ZFYVE1: variants seen among roughly 807,000 people sequenced by gnomAD.
ZFYVE1 encodes the protein zinc finger FYVE-type containing 1, also known as zinc finger FYVE domain-containing protein 1.
Under a neutral mutation model 74.4 loss-of-function variants are expected in ZFYVE1, and 30 were observed. The observed-to-expected ratio is 0.40, with a 90% CI of 0.30 to 0.55. The LOEUF (loss-of-function observed/expected upper bound fraction) is 0.55. Among genes scored for constraint, ZFYVE1 ranks in the 20% least tolerant of loss-of-function variants. The probability of loss-of-function intolerance (pLI) is 0.42; values close to 1 mark genes in which losing one functional copy is unlikely to be tolerated. For missense variants in ZFYVE1, 703 were observed against 1,011.6 expected (o/e 0.69, Z 4.14); for synonymous variants, 335 against 385.1 (o/e 0.87, Z 1.52).
intron 3 of ZFYVE1, among the ~76,000 whole-genome samples, chr14:72,996,210 A>C (rs1452787878): frequency 6.6e-6 from 1 of 152,106 alleles, no homozygotes; most frequent in East Asian, 1.9e-4. Flanking sequence ...ATGGCACTAC[A>C]TTTAGGAGTT....
rs1205768886 is a variant in ZFYVE1 at position 73,019,130 on chromosome 14, T to C, written c.483+4896A>G. On this transcript the variant is annotated intron_variant, in intron 2 of 11. Transcript: ENST00000556143. ...ACACACTCAAATGACAAGGTAATGATAAAATGTTCACCCTTAAAGGAAGCT... is the reference window on the plus strand; with the variant it reads ...ACACACTCAAATGACAAGGTAATGACAAAATGTTCACCCTTAAAGGAAGCT... Among the ~76,000 whole-genome samples the C allele has an allele frequency of 2.0e-5, 3 of 152,150 alleles. No individual in the cohort carries two copies. The East Asian group carries it at 5.8e-4, about 29-fold the overall frequency.
At chr14:73,015,227 CTGAAGGAAGGAAGGAAGGAAGGAA>C (rs1894164848) in intron 2 of ZFYVE1, among the ~76,000 whole-genome samples, 2 of 110,218 alleles carry the variant, frequency 1.8e-5, no homozygotes, top group African/African-American at 6.7e-5. Flanking sequence ...GAGACTCCAT[CTGAAGGAAGGAAGGAAGGAAGGAA>C]GGAAGGAAGG....
chr14:72,972,843 G>A (rs538718545), intron 11 of ZFYVE1, among the ~76,000 whole-genome samples: 1 of 152,020 alleles, frequency 6.6e-6, no homozygotes. Context: ...TAGTAGCTGG[G>A]ACTACAGGTG....
chr14:73,002,741 C>CTTT (rs532732428), intron 2 of ZFYVE1, among the ~76,000 whole-genome samples: 6 of 127,484 alleles, frequency 4.7e-5, no homozygotes, highest in Non-Finnish European at 4.9e-5. Flanking sequence ...GTTGCTTTTT[C>CTTT]TTTTTTTTTT....
chr14:73,005,793 C>G (rs1465162627), intron 2 of ZFYVE1, among the ~76,000 whole-genome samples: 2 of 152,204 alleles, frequency 1.3e-5, no homozygotes, highest in African/African-American at 4.8e-5. Flanking sequence ...GCAGCAGCAG[C>G]TGGGCTTGCA....
chr14:73,004,657 A>C (rs1468248368), intron 2 of ZFYVE1, among the ~76,000 whole-genome samples: 1 of 152,092 alleles, frequency 6.6e-6, no homozygotes, highest in Non-Finnish European at 1.5e-5. Flanking sequence ...TCTACTGACA[A>C]GCAGTGAACA....
rs766352714 is a variant in ZFYVE1 at position 73,024,023 on chromosome 14, T to C, written c.483+3A>G. 9.9e-6 allele frequency: 16 copies of C among 1,613,232 alleles called. No individual in the cohort carries two copies. In the East Asian group the frequency reaches 3.3e-4, roughly 34 times the overall value. Reference sequence around the variant, plus strand: ...ATGAATCCCACTATACCCGTGTGCTTACCTGAATTTCTTCATTTTCGTCTA... The same window carrying C: ...ATGAATCCCACTATACCCGTGTGCTCACCTGAATTTCTTCATTTTCGTCTA... On this transcript the variant is annotated splice_donor_region_variant and intron_variant, in intron 2 of 11. Transcript: ENST00000556143.
intron 4 of ZFYVE1, among the ~76,000 whole-genome samples, chr14:72,984,821 G>T (rs1045823245): frequency 3.9e-5 from 6 of 152,186 alleles, no homozygotes; most frequent in Non-Finnish European, 7.3e-5. Flanking sequence ...ATGATGCAAA[G>T]CTATGGGTTT....
Position 73,024,683 on chromosome 14 carries a change from T to A in ZFYVE1, c.-175A>T. 1 of 997,754 alleles carries A rather than the reference T, an allele frequency of 1.0e-6. No homozygotes were observed. The highest frequency in any genetic ancestry group is 1.4e-6 in the Non-Finnish European group (1 of 720,072). The allele number at this position is 997,754 out of a possible 1,614,324, so 61.8% of individuals were successfully genotyped here. On this transcript the variant is annotated 5_prime_UTR_variant, in exon 2 of 12. Coordinates refer to ENST00000556143, the MANE Select transcript of ZFYVE1 (RefSeq NM_021260.4). ...GTTCTTCACAAACAAATGTTCAAATTTTTAATTTGCTGCCTCTAAGACTCT... is the reference window on the plus strand; with the variant it reads ...GTTCTTCACAAACAAATGTTCAAATATTTAATTTGCTGCCTCTAAGACTCT...
chr14:73,008,070 A>G (rs1023509595), intron 2 of ZFYVE1, among the ~76,000 whole-genome samples: 1 of 152,224 alleles, frequency 6.6e-6, no homozygotes, highest in Non-Finnish European at 1.5e-5. Context: ...TCCATGTCTT[A>G]TAACTACCAG....
intron 2 of ZFYVE1, among the ~76,000 whole-genome samples, chr14:73,000,468 G>A (rs1428056544): frequency 6.6e-6 from 1 of 152,152 alleles, no homozygotes; most frequent in Admixed American, 6.5e-5. Flanking sequence ...GCTGGGCATG[G>A]TGGTATGCGC....
Position 72,998,842 on chromosome 14 carries a change from C to T in ZFYVE1, c.484-527G>A, listed in dbSNP as rs566309778. ...CTCCAGCATGGGCAACAGAATGAGA[C>T]CCTGCCTCAAAAAAAAAAAAGAAAG... is the stretch of plus-strand genomic sequence containing the variant. On this transcript the variant is annotated intron_variant, in intron 2 of 11. Coordinates refer to ENST00000556143, the MANE Select transcript of ZFYVE1 (RefSeq NM_021260.4). Among the ~76,000 whole-genome samples, 240 of 150,074 alleles carry T rather than the reference C, an allele frequency of 1.6e-3. 1 individual carries two copies. Among genetic ancestry groups the T allele is most frequent in the African/African-American group, 5.0e-3 (206 of 40,838 alleles).
Position 72,970,022 on chromosome 14 carries a change from G to A in ZFYVE1, c.*860C>T. On this transcript the variant is annotated 3_prime_UTR_variant, in exon 12 of 12. Coordinates refer to ENST00000556143, the MANE Select transcript of ZFYVE1 (RefSeq NM_021260.4). ...CTCAGAAGCAGATGGTGGGCTTGAG[G>A]GGGCCGAGGGGTGGGAGGCAGATGC... is the stretch of plus-strand genomic sequence containing the variant. 1 of 427,628 alleles carries A rather than the reference G, an allele frequency of 2.3e-6. No homozygotes were observed. The highest frequency in any genetic ancestry group is 4.2e-6 in the Non-Finnish European group (1 of 240,902). 26.5% of individuals were successfully genotyped at this position (427,628 alleles called of 1,614,324 possible).
intron 11 of ZFYVE1, among the ~76,000 whole-genome samples, 184 bp from the exon 12 acceptor site, chr14:72,971,298 C>CT (rs1483773731): frequency 6.6e-6 from 1 of 152,174 alleles, no homozygotes; most frequent in Non-Finnish European, 1.5e-5. Flanking sequence ...GTCTTTGGGG[C>CT]TGTCGCATAG....
At chr14:72,971,930 G>T (rs1218127084) in intron 11 of ZFYVE1, among the ~76,000 whole-genome samples, 1 of 152,164 alleles carries the variant, frequency 6.6e-6, no homozygotes, top group Non-Finnish European at 1.5e-5. Context: ...GATTAAGAAA[G>T]GTTAGCTAAG....
rs2140336655 is a variant in ZFYVE1 at position 72,969,599 on chromosome 14, A to G, written c.*1283T>C. On this transcript the variant is annotated 3_prime_UTR_variant, in exon 12 of 12. Transcript: ENST00000556143. ...TGTCACACCGATAGGCGCACCAGGA[A>G]TGACCGCCATATACTTCCCTAAAGC... 1 of 661,042 alleles carries G rather than the reference A, an allele frequency of 1.5e-6. No individual in the cohort carries two copies. Among genetic ancestry groups the G allele is most frequent in the South Asian group, 1.7e-5 (1 of 58,826 alleles). The allele number at this position is 661,042 out of a possible 1,614,324, so 40.9% of individuals were successfully genotyped here. A position where few individuals can be genotyped will look rare whatever the true frequency, so the allele number is the denominator to read the frequency against.
In ZFYVE1 at chr14:72,975,243, A is replaced by C; in HGVS notation, c.1807-284T>G. Reference sequence around the variant, plus strand: ...TGAGGATGACCCTAAATAACCTCTAAAGACCCCTTTTCCTCCAGATTCTTA... The same window carrying C: ...TGAGGATGACCCTAAATAACCTCTACAGACCCCTTTTCCTCCAGATTCTTA... On this transcript the variant is annotated intron_variant, in intron 9 of 11. Coordinates refer to ENST00000556143, the MANE Select transcript of ZFYVE1 (RefSeq NM_021260.4). This position sits in a 1 kb window ranked among gnomAD's most constrained non-coding sequence, Gnocchi z 4.1. 2.0e-6 allele frequency: 1 copy of C among 508,366 alleles called. No homozygotes were observed. Among genetic ancestry groups the C allele is most frequent in the Non-Finnish European group, 3.4e-6 (1 of 291,462 alleles). 31.5% of individuals were successfully genotyped at this position (508,366 alleles called of 1,614,324 possible). A position where few individuals can be genotyped will look rare whatever the true frequency, so the allele number is the denominator to read the frequency against.
intron 4 of ZFYVE1, among the ~76,000 whole-genome samples, chr14:72,985,306 C>T (rs567205143): frequency 6.6e-6 from 1 of 150,764 alleles, no homozygotes; most frequent in African/African-American, 2.5e-5. Context: ...CAGGCAAATG[C>T]CACCATGCCC....
chr14:73,024,599 C>T lies in ZFYVE1; in HGVS notation c.-91G>A, dbSNP rs3742828. The T allele has an allele frequency of 7.0e-5, 104 of 1,490,168 alleles. No individual in the cohort carries two copies. The highest frequency in any genetic ancestry group is 1.4e-4 in the Admixed American group (6 of 42,312). The allele number at this position is 1,490,168 out of a possible 1,614,324, so 92.3% of individuals were successfully genotyped here. A position where few individuals can be genotyped will look rare whatever the true frequency, so the allele number is the denominator to read the frequency against. ...CGAAGATTTGAGTCTGAAGACTGCA[C>T]GAAACTTCCACAGGGTTCTGAACAC... On this transcript the variant is annotated 5_prime_UTR_variant, in exon 2 of 12. It adds an upstream start codon to the 5' untranslated region. Coordinates refer to ENST00000556143, the MANE Select transcript of ZFYVE1 (RefSeq NM_021260.4).
Sources: allele counts gnomAD v4.1 joint callset (sites outside exome capture counted in the v4.1 genomes callset), GRCh38; gene constraint gnomAD v4.1.1; non-coding constraint Gnocchi (gnomAD v3.1); transcripts MANE v1.5; gene names NCBI Gene and HGNC (gene_info 2026-07-23, HGNC 2026-07-21).